Variants in SVEP1 observed in about 807,000 individuals in gnomAD.
The protein encoded by SVEP1 is sushi, von Willebrand factor type A, EGF and pentraxin domain containing 1.
Under a neutral mutation model 367.3 loss-of-function variants are expected in SVEP1, and 164 were observed. That is an observed-to-expected ratio of 0.45 (90% confidence interval 0.39 to 0.51). SVEP1 has a LOEUF of 0.51. Among genes scored for constraint, SVEP1 ranks in the 20% least tolerant of loss-of-function variants. The probability of loss-of-function intolerance (pLI) is 0.00; values close to 1 mark genes in which losing one functional copy is unlikely to be tolerated. For missense variants in SVEP1, 4,117 were observed against 4,425.3 expected, an observed-to-expected ratio of 0.93 and a Z score of 1.98; for synonymous variants, 1,666 against 1,611.6, an observed-to-expected ratio of 1.03 and a Z score of -0.81.
intron 21 of SVEP1, 65 bp from the exon 22 acceptor site, chr9:110,455,768 T>C (rs1828768027): frequency 7.7e-7 from 1 of 1,294,758 alleles, no homozygotes; most frequent in African/African-American, 1.5e-5. Context: ...AGAACTATGA[T>C]CATTTAAAGG....
intron 46 of SVEP1, among the ~76,000 whole-genome samples, chr9:110,373,489 G>A (rs1343831148): frequency 2.6e-5 from 4 of 152,106 alleles, no homozygotes; most frequent in Non-Finnish European, 5.9e-5. Context: ...TTCATGACAA[G>A]CTCTGGTGTT....
In SVEP1 at chr9:110,547,585, T is replaced by C. The variant is rs553650378; in HGVS notation, c.788-1294A>G. ...GAATGAGACCCTGTATCAAAAAGGGTGAGAAGAAAAGAAAAGACAAACATA... is the reference window on the plus strand; with the variant it reads ...GAATGAGACCCTGTATCAAAAAGGGCGAGAAGAAAAGAAAAGACAAACATA... On this transcript the variant is annotated intron_variant, in intron 2 of 47. Coordinates refer to ENST00000374469, the MANE Select transcript of SVEP1 (RefSeq NM_153366.4). Among the ~76,000 whole-genome samples, 6 of 151,652 alleles carry C rather than the reference T, an allele frequency of 4.0e-5. No individual in the cohort carries two copies. In the East Asian group the frequency reaches 1.2e-3, roughly 30 times the overall value.
chr9:110,486,687 A>G (rs147365832), intron 9 of SVEP1, among the ~76,000 whole-genome samples: 4,151 of 142,424 alleles, frequency 0.029, 185 homozygotes, highest in African/African-American at 0.1. Flanking sequence ...TCTCTCTGTC[A>G]CCCAGGCTGG....
intron 1 of SVEP1, among the ~76,000 whole-genome samples, chr9:110,574,767 G>A (rs917577162): frequency 2.2e-5 from 2 of 92,666 alleles, no homozygotes; most frequent in East Asian, 2.5e-4. Context: ...TTTTTTTTTT[G>A]AGGAGTCTCA....
intron 31 of SVEP1, 107 bp downstream of exon 31, chr9:110,432,355 G>T: frequency 7.2e-7 from 1 of 1,380,720 alleles, no homozygotes; most frequent in Non-Finnish European, 9.8e-7. Flanking sequence ...TTACTGGGAT[G>T]AGATAAAGTT....
At chr9:110,545,100 C>T (rs1235756649) in intron 3 of SVEP1, among the ~76,000 whole-genome samples, 1 of 152,166 alleles carries the variant, frequency 6.6e-6, no homozygotes, top group East Asian at 1.9e-4. Context: ...GGATTTCATT[C>T]TTTTTTTATG....
At chr9:110,459,229 C>A in intron 18 of SVEP1, 116 bp from the exon 19 acceptor site, 1 of 957,758 alleles carries the variant, frequency 1.0e-6, no homozygotes. Flanking sequence ...TAATCTCTTC[C>A]ATATATTTAA....
In SVEP1 at chr9:110,427,484, T is replaced by C. The variant is rs1828273190; in HGVS notation, c.5975+107A>G. 4 of 1,346,274 alleles carry C rather than the reference T, an allele frequency of 3.0e-6. No homozygotes were observed. The South Asian group carries it at 5.8e-5, about 19-fold the overall frequency. 83.4% of individuals were successfully genotyped at this position (1,346,274 alleles called of 1,614,324 possible). Reference sequence around the variant, plus strand: ...AAAAGCATAAGGCTCTCTTTGTCTTTGGCTGCCAGGAAATTAAATTTCGTG... The same window carrying C: ...AAAAGCATAAGGCTCTCTTTGTCTTCGGCTGCCAGGAAATTAAATTTCGTG... On this transcript the variant is annotated intron_variant, in intron 36 of 47. Coordinates refer to ENST00000374469, the MANE Select transcript of SVEP1 (RefSeq NM_153366.4).
chr9:110,559,558 T>A (rs1051029933), intron 1 of SVEP1, among the ~76,000 whole-genome samples: 1 of 152,134 alleles, frequency 6.6e-6, no homozygotes, highest in Non-Finnish European at 1.5e-5. Context: ...AGGTTTTCTT[T>A]AAATTTCAAA....
chr9:110,541,967 T>C (rs1016334991), intron 3 of SVEP1, among the ~76,000 whole-genome samples: 1 of 150,996 alleles, frequency 6.6e-6, no homozygotes, highest in African/African-American at 2.4e-5. Context: ...TAGACATGCA[T>C]ATATATGCAT....
At chr9:110,432,875 G>A (rs2118560185) in intron 30 of SVEP1, among the ~76,000 whole-genome samples, 1 of 152,264 alleles carries the variant, frequency 6.6e-6, no homozygotes, top group African/African-American at 2.4e-5. Flanking sequence ...CGCTGATAAA[G>A]TTTGGATATT....
intron 10 of SVEP1, 45 bp from the exon 11 acceptor site, chr9:110,482,537 T>C: frequency 6.5e-7 from 1 of 1,546,700 alleles, no homozygotes; most frequent in Non-Finnish European, 8.7e-7. Flanking sequence ...GTATTCACAA[T>C]ATTTTTTTTG....
At chr9:110,385,283 C>T (rs1468223649) in intron 43 of SVEP1, among the ~76,000 whole-genome samples, 2 of 152,140 alleles carry the variant, frequency 1.3e-5, no homozygotes, top group Non-Finnish European at 2.9e-5. Context: ...ACCCAGCTGG[C>T]AGTGAGATGT....
chr9:110,555,023 C>T (rs577476327), intron 1 of SVEP1, among the ~76,000 whole-genome samples: 1 of 152,068 alleles, frequency 6.6e-6, no homozygotes, highest in South Asian at 2.1e-4. Flanking sequence ...GTGTTTACAC[C>T]ATCCTTGCTC....
intron 3 of SVEP1, among the ~76,000 whole-genome samples, chr9:110,529,673 G>T (rs12351151): frequency 0.95 from 144,817 of 152,136 alleles, 69,135 homozygotes; most frequent in African/African-American, 0.98. Flanking sequence ...TTGATTGTTG[G>T]TGGTGGTGTA....
intron 13 of SVEP1, among the ~76,000 whole-genome samples, chr9:110,478,924 CTTCT>C (rs780995197): frequency 5.1e-4 from 76 of 148,912 alleles, no homozygotes; most frequent in Admixed American, 2.5e-3. Context: ...TTTCTTTCTT[CTTCT>C]TTTTTTTTTT....
At position 110,375,442 on chromosome 9, in the gene SVEP1, A is replaced by T; in HGVS notation, c.10526T>A (p.Leu3509Gln). The T allele has an allele frequency of 7.9e-7, 1 of 1,261,850 alleles. No individual in the cohort carries two copies. The highest frequency in any genetic ancestry group is 1.1e-6 in the Non-Finnish European group (1 of 908,904). The allele number at this position is 1,261,850 out of a possible 1,614,324, so 78.2% of individuals were successfully genotyped here. The change falls in exon 46 of 48, where the codon CTG becomes CAG. Residue 3509 changes from leucine (L) to glutamine (Q), a missense_variant. Coordinates refer to ENST00000374469, the MANE Select transcript of SVEP1 (RefSeq NM_153366.4). ...AGGGGCCACACAGCGACCTCCGTTC[A>T]GACAGGGAAGAATGCAGATTGCTAA... ...CEEPICILPC[L>Q]NGGRCVAPYQ...
chr9:110,497,990 G>T (rs1829478018), intron 7 of SVEP1, among the ~76,000 whole-genome samples: 1 of 152,036 alleles, frequency 6.6e-6, no homozygotes. Context: ...AAAAGTATTT[G>T]ATTTTTCATT....
At chr9:110,436,734 C>T (rs1828435787) in intron 27 of SVEP1, among the ~76,000 whole-genome samples, 1 of 152,168 alleles carries the variant, frequency 6.6e-6, no homozygotes, top group African/African-American at 2.4e-5. Flanking sequence ...AAACCTGTAA[C>T]TACAAAAACT....
Sources: allele counts gnomAD v4.1 joint callset (sites outside exome capture counted in the v4.1 genomes callset), GRCh38; gene constraint gnomAD v4.1.1; transcripts MANE v1.5; gene names NCBI Gene and HGNC (gene_info 2026-07-23, HGNC 2026-07-21).